The following CLTCL1 variants were observed in gnomAD, a reference collection of about 807,000 sequenced individuals.
CLTCL1 encodes the protein clathrin heavy chain 2.
A neutral mutation model predicts 190.0 loss-of-function variants in CLTCL1; 159 were observed. The ratio of observed to expected loss-of-function variants is 0.84; its 90% CI spans 0.74 to 0.95. CLTCL1 has a LOEUF of 0.95. Among genes scored for constraint, CLTCL1 ranks in the 40% least tolerant of loss-of-function variants. The probability of loss-of-function intolerance (pLI) is 0.00; values close to 1 mark genes in which losing one functional copy is unlikely to be tolerated. For synonymous variants in CLTCL1, 752 were observed against 769.6 expected (o/e 0.98, Z 0.38); for missense variants, 1,878 against 2,033.4 (o/e 0.92, Z 1.47).
intron 19 of CLTCL1, 75 bp from the exon 20 acceptor site, chr22:19,210,584 TC>T: frequency 7.6e-7 from 1 of 1,318,492 alleles, no homozygotes; most frequent in Non-Finnish European, 1.0e-6. Context: ...AGGTCAGGCA[TC>T]CCCAGACCCC....
Position 19,180,784 on chromosome 22 carries a change from T to C in CLTCL1, c.4850A>G (p.Glu1617Gly), listed in dbSNP as rs1555925488. Residue 1617 changes from glutamate (E) to glycine (G), a missense_variant, in exon 31 of 33, where the codon GAG becomes GGG. Physicochemically the swap from Glu to Gly is moderately conservative, Grantham distance 98. Coordinates refer to ENST00000427926, the MANE Select transcript of CLTCL1 (RefSeq NM_007098.4). Reference sequence around the variant, plus strand: ...ATGCTCCTCTTGCTTGCGCAGACTCTCCAAGGCATCCAGTTTGTCCACCTG... The same window carrying C: ...ATGCTCCTCTTGCTTGCGCAGACTCCCCAAGGCATCCAGTTTGTCCACCTG... ...LSKVDKLDAL[E>G]SLRKQEEHVT... The C allele has an allele frequency of 3.1e-6, 5 of 1,613,790 alleles. No individual in the cohort carries two copies. Among genetic ancestry groups the C allele is most frequent in the Middle Eastern group, 1.7e-4 (1 of 6,058 alleles).
chr22:19,233,293 T>C lies in CLTCL1; in HGVS notation c.1394A>G (p.Asp465Gly), dbSNP rs376964318. 1.2e-6 allele frequency: 2 copies of C among 1,613,622 alleles called. No homozygotes were observed. The highest frequency in any genetic ancestry group is 1.7e-6 in the Non-Finnish European group (2 of 1,179,546). Residue 465 changes from aspartate to glycine, a missense_variant, in exon 9 of 33, where the codon GAC becomes GGC. Physicochemically the swap from Asp to Gly is moderately conservative, Grantham distance 94. Transcript: ENST00000427926. ...CATGGGGTCAGTGGTTTTGACCAAG[T>C]CTCCGAGCTCCTCTGAGCACTCCAG... ...DKLECSEELG[D>G]LVKTTDPMLA...
intron 2 of CLTCL1, among the ~76,000 whole-genome samples, chr22:19,261,399 C>T (rs1091015): frequency 0.071 from 10,846 of 152,238 alleles, 476 homozygotes; most frequent in Middle Eastern, 0.17. Flanking sequence ...CGGAAGCCAC[C>T]GTGCCCAGCC....
rs782698395 is a variant in CLTCL1, at chr22:19,220,028, T to C, written c.2797-21A>G. ...CACACCTGAAATGAGCACACTCATG[T>C]GTGTGACACAGCAGCCAACCAGCGG... is the stretch of plus-strand genomic sequence containing the variant. On this transcript the variant is annotated intron_variant, in intron 17 of 32. Coordinates refer to ENST00000427926, the MANE Select transcript of CLTCL1 (RefSeq NM_007098.4). 29 of 1,613,530 alleles carry C rather than the reference T, an allele frequency of 1.8e-5. No individual in the cohort carries two copies. The Admixed American group carries it at 4.7e-4, about 26-fold the overall frequency.
At chr22:19,188,147 A>G in intron 27 of CLTCL1, 56 bp from the exon 28 acceptor site, 1 of 1,515,550 alleles carries the variant, frequency 6.6e-7, no homozygotes, top group Non-Finnish European at 9.2e-7. Flanking sequence ...TGGGGACACT[A>G]GGCAGGGGCA....
chr22:19,244,577 G>C (rs1460050557), intron 3 of CLTCL1, among the ~76,000 whole-genome samples: 1 of 152,182 alleles, frequency 6.6e-6, no homozygotes, highest in Admixed American at 6.5e-5. Context: ...CCAGCAACAT[G>C]ATGATAGCAC....
At chr22:19,274,726 G>A (rs1347410647) in intron 2 of CLTCL1, among the ~76,000 whole-genome samples, 1 of 144,346 alleles carries the variant, frequency 6.9e-6, no homozygotes, top group Non-Finnish European at 1.5e-5. Context: ...GCTTTTCTTT[G>A]TTTCTTTTTT....
At position 19,219,868 on chromosome 22, in the gene CLTCL1, C is replaced by A. The variant is rs5748051; in HGVS notation, c.2919+17G>T. On this transcript the variant is annotated intron_variant, in intron 18 of 32. Transcript: ENST00000427926. ...GCAAAATGCAGGTGTGCAGACATACCCATCTCTGTGCCTCACCTGGTCAAT... is the reference window on the plus strand; with the variant it reads ...GCAAAATGCAGGTGTGCAGACATACACATCTCTGTGCCTCACCTGGTCAAT... 0.011 allele frequency: 18,143 copies of A among 1,613,984 alleles called. 307 individuals carry two copies. Among genetic ancestry groups the A allele is most frequent in the East Asian group, 0.068 (3,059 of 44,888 alleles).
intron 29 of CLTCL1, 73 bp from the exon 30 acceptor site, chr22:19,183,684 G>A (rs2084217406): frequency 6.8e-7 from 1 of 1,480,706 alleles, no homozygotes; most frequent in African/African-American, 1.4e-5. Context: ...CTGGGCCGGA[G>A]GGCAGGGAGT....
At position 19,192,681 on chromosome 22, in the gene CLTCL1, G is replaced by T. The variant is rs553808891; in HGVS notation, c.4192-1246C>A. The stretch of plus-strand genomic sequence containing the variant: ...CACTATGGCTTACTGGCCACTTCAG[G>T]GTGTCTTCTTTCTCCTTCTCTTTTC... On this transcript the variant is annotated intron_variant, in intron 26 of 32. Transcript: ENST00000427926. Among the ~76,000 whole-genome samples, 80 of 152,140 alleles carry T rather than the reference G, an allele frequency of 5.3e-4. 1 individual carries two copies. The highest frequency in any genetic ancestry group is 9.8e-4 in the Non-Finnish European group (67 of 68,028).
intron 1 of CLTCL1, among the ~76,000 whole-genome samples, chr22:19,288,875 C>G (rs1379307405): frequency 2.6e-5 from 4 of 152,230 alleles, no homozygotes; most frequent in Non-Finnish European, 5.9e-5. Flanking sequence ...AACTGTGGAA[C>G]CAAAAACAGT....
intron 3 of CLTCL1, among the ~76,000 whole-genome samples, chr22:19,251,581 C>T (rs1555970032): frequency 2.0e-5 from 3 of 152,162 alleles, no homozygotes; most frequent in African/African-American, 4.8e-5. Flanking sequence ...CTCAGCCTCC[C>T]GAGTAGCTGG....
intron 19 of CLTCL1, among the ~76,000 whole-genome samples, chr22:19,213,511 C>T (rs2085294986): frequency 6.6e-6 from 1 of 152,166 alleles, no homozygotes; most frequent in African/African-American, 2.4e-5. Flanking sequence ...ATAATAACCT[C>T]AAACTGAAAA....
At chr22:19,284,642 A>G (rs937269264) in intron 1 of CLTCL1, among the ~76,000 whole-genome samples, 24 of 151,816 alleles carry the variant, frequency 1.6e-4, no homozygotes, top group Non-Finnish European at 3.1e-4. Flanking sequence ...CCTGGGCAAC[A>G]AGAGTGAAAC....
chr22:19,211,766 C>CA (rs66494838), intron 19 of CLTCL1, among the ~76,000 whole-genome samples: 1,686 of 41,936 alleles, frequency 0.04, 28 homozygotes, highest in African/African-American at 0.09. Context: ...GATTGCATCT[C>CA]AAAAAAAAAA....
intron 1 of CLTCL1, among the ~76,000 whole-genome samples, chr22:19,277,885 G>A (rs992789512): frequency 4.6e-5 from 7 of 152,262 alleles, no homozygotes; most frequent in Admixed American, 6.5e-5. Context: ...GACACTAATC[G>A]CAAGCCCCAG....
intron 23 of CLTCL1, among the ~76,000 whole-genome samples, chr22:19,200,294 G>A (rs1031433278): frequency 6.6e-6 from 1 of 152,162 alleles, no homozygotes; most frequent in African/African-American, 2.4e-5. Flanking sequence ...CAAGCCTTGA[G>A]AAGTGCAGAA....
At chr22:19,284,030 T>C (rs181369471) in intron 1 of CLTCL1, among the ~76,000 whole-genome samples, 65 of 150,430 alleles carry the variant, frequency 4.3e-4, no homozygotes, top group African/African-American at 1.4e-3. Flanking sequence ...CTGGGGAATA[T>C]GCAAAAAGAA....
intron 23 of CLTCL1, among the ~76,000 whole-genome samples, chr22:19,200,881 G>C (rs550533921): frequency 6.6e-6 from 1 of 152,196 alleles, no homozygotes; most frequent in East Asian, 1.9e-4. Flanking sequence ...AAAAGGCCTT[G>C]ACATTAGACC....
Sources: allele counts gnomAD v4.1 joint callset (sites outside exome capture counted in the v4.1 genomes callset), GRCh38; gene constraint gnomAD v4.1.1; transcripts MANE v1.5; gene names NCBI Gene and HGNC (gene_info 2026-07-23, HGNC 2026-07-21).